NR5A2: variants seen among roughly 807,000 people sequenced by gnomAD.
The protein encoded by NR5A2 is CYP7A promoter-binding factor.
Under a neutral mutation model 62.7 loss-of-function variants are expected in NR5A2, and 26 were observed. The observed-to-expected ratio is 0.41, with a 90% CI of 0.30 to 0.58. The LOEUF (loss-of-function observed/expected upper bound fraction) is 0.58, where lower values mean the gene tolerates loss of function less well. Among genes scored for constraint, NR5A2 ranks in the 20% least tolerant of loss-of-function variants. NR5A2 has a pLI of 0.22. For synonymous variants in NR5A2, 246 were observed against 241.7 expected, an observed-to-expected ratio of 1.02 and a Z score of -0.16; for missense variants, 541 against 669.1, an observed-to-expected ratio of 0.81 and a Z score of 2.11.
chr1:200,047,759 G>C (rs1279614785), intron 4 of NR5A2, among the ~76,000 whole-genome samples: 1 of 152,014 alleles, frequency 6.6e-6, no homozygotes, highest in African/African-American at 2.4e-5. Context: ...TGTATCTTTA[G>C]TAGAGATGGG....
intron 1 of NR5A2, among the ~76,000 whole-genome samples, chr1:200,036,178 C>G (rs1303951101): frequency 1.3e-5 from 2 of 152,356 alleles, no homozygotes; most frequent in East Asian, 1.9e-4. Context: ...ACTTACATCT[C>G]AACTGCTTTC....
intron 1 of NR5A2, among the ~76,000 whole-genome samples, chr1:200,038,192 T>A (rs1002860480): frequency 1.3e-5 from 2 of 152,232 alleles, no homozygotes; most frequent in Non-Finnish European, 2.9e-5. Context: ...AAACATTTTT[T>A]AAATGCTGGG....
chr1:200,144,506 G>C (rs2102351188), intron 7 of NR5A2, among the ~76,000 whole-genome samples: 1 of 152,248 alleles, frequency 6.6e-6, no homozygotes. Context: ...TTCAAGCTCA[G>C]ACAAACTCTT....
At chr1:200,087,338 A>G (rs990444812) in intron 5 of NR5A2, among the ~76,000 whole-genome samples, 2 of 151,950 alleles carry the variant, frequency 1.3e-5, no homozygotes, top group Non-Finnish European at 2.9e-5. Flanking sequence ...ATCTTTCCTC[A>G]TGGAGTTTGT....
At chr1:200,124,947 C>T (rs1157369648) in intron 7 of NR5A2, among the ~76,000 whole-genome samples, 2 of 151,680 alleles carry the variant, frequency 1.3e-5, no homozygotes, top group Admixed American at 6.6e-5. Context: ...AAACTTAAAG[C>T]GAAGCCTTTA....
intron 7 of NR5A2, among the ~76,000 whole-genome samples, chr1:200,164,363 A>G (rs1653795581): frequency 6.6e-6 from 1 of 152,206 alleles, no homozygotes. Flanking sequence ...TCTTGGGAGG[A>G]ACACACAGAT....
chr1:200,106,213 A>G (rs7511730), intron 5 of NR5A2, among the ~76,000 whole-genome samples: 3 of 151,822 alleles, frequency 2.0e-5, no homozygotes, highest in Admixed American at 2.0e-4. Flanking sequence ...ACCCGCCACC[A>G]TGCCCACCTA....
intron 5 of NR5A2, among the ~76,000 whole-genome samples, chr1:200,071,501 G>A (rs968529362): frequency 6.6e-6 from 1 of 152,182 alleles, no homozygotes; most frequent in African/African-American, 2.4e-5. Flanking sequence ...TTACACTTGA[G>A]TATAAGGCAA....
intron 5 of NR5A2, among the ~76,000 whole-genome samples, chr1:200,093,074 A>G (rs1230603961): frequency 6.6e-6 from 1 of 151,576 alleles, no homozygotes; most frequent in East Asian, 1.9e-4. Flanking sequence ...TATTTTTAGT[A>G]CAATTAGACT....
intron 7 of NR5A2, among the ~76,000 whole-genome samples, chr1:200,161,714 T>C (rs1038267138): frequency 6.6e-6 from 1 of 152,252 alleles, no homozygotes; most frequent in African/African-American, 2.4e-5. Flanking sequence ...TGGTTAGGAA[T>C]TTAACAAGGT....
intron 4 of NR5A2, among the ~76,000 whole-genome samples, chr1:200,046,968 TATC>T (rs1287587900): frequency 1.3e-5 from 2 of 152,204 alleles, no homozygotes; most frequent in Non-Finnish European, 2.9e-5. Flanking sequence ...TTCAATAAAT[TATC>T]ATCCAGATGA....
rs758604484 is a variant in NR5A2, at chr1:200,050,070, G to A, written c.1110+1252G>A. On this transcript the variant is annotated intron_variant, in intron 5 of 7. Coordinates refer to ENST00000367362, the MANE Select transcript of NR5A2 (RefSeq NM_205860.3). ...GTCCTTTATTGCTACGCTTAAAAAT[G>A]GCTGAAGGATATCTCAGGCTGCAAA... is the stretch of plus-strand genomic sequence containing the variant. Among the ~76,000 whole-genome samples, 20 of 152,278 alleles carry A rather than the reference G, an allele frequency of 1.3e-4. No individual in the cohort carries two copies. The Middle Eastern group carries it at 0.014, about 104-fold the overall frequency.
At chr1:200,041,830 G>C (rs1170103194) in intron 2 of NR5A2, among the ~76,000 whole-genome samples, 1 of 152,142 alleles carries the variant, frequency 6.6e-6, no homozygotes, top group Non-Finnish European at 1.5e-5. Flanking sequence ...GTCTTTCTTC[G>C]ATGTCGGGTC....
intron 5 of NR5A2, among the ~76,000 whole-genome samples, chr1:200,066,588 CTTTTTTT>C (rs756874909): frequency 8.8e-6 from 1 of 113,156 alleles, no homozygotes; most frequent in Non-Finnish European, 1.7e-5. Flanking sequence ...AATTAATTAT[CTTTTTTT>C]TTTTTTTTTT....
intron 7 of NR5A2, among the ~76,000 whole-genome samples, chr1:200,162,185 A>G (rs139951482): frequency 2.6e-5 from 4 of 152,348 alleles, no homozygotes; most frequent in African/African-American, 9.6e-5. Context: ...CAAGAGAGAC[A>G]TATCCCTGTC....
chr1:200,103,927 G>A (rs981781209), intron 5 of NR5A2, among the ~76,000 whole-genome samples: 2 of 152,210 alleles, frequency 1.3e-5, no homozygotes, highest in African/African-American at 4.8e-5. Context: ...TGGAGATGGT[G>A]TAGGTCCAGA....
intron 5 of NR5A2, among the ~76,000 whole-genome samples, chr1:200,101,533 A>G (rs980627841): frequency 2.1e-4 from 32 of 152,318 alleles, no homozygotes; most frequent in Non-Finnish European, 3.5e-4. Context: ...TCTTAAGGGA[A>G]GTATGGGAAA....
intron 7 of NR5A2, among the ~76,000 whole-genome samples, chr1:200,121,814 T>A (rs1323738569): frequency 6.6e-6 from 1 of 152,236 alleles, no homozygotes; most frequent in East Asian, 1.9e-4. Flanking sequence ...ATATGTTTTT[T>A]CTTTAGTCTT....
At chr1:200,045,977 A>G (rs1430499116) in intron 4 of NR5A2, among the ~76,000 whole-genome samples, 1 of 152,210 alleles carries the variant, frequency 6.6e-6, no homozygotes, top group African/African-American at 2.4e-5. Flanking sequence ...ATACCCTTGG[A>G]AAAGTTTGAT....
Sources: allele counts gnomAD v4.1 joint callset (sites outside exome capture counted in the v4.1 genomes callset), GRCh38; gene constraint gnomAD v4.1.1; transcripts MANE v1.5; gene names NCBI Gene and HGNC (gene_info 2026-07-23, HGNC 2026-07-21).